Variants in NRXN3 observed in about 807,000 individuals in gnomAD.
The protein encoded by NRXN3 is neurexin III.
In NRXN3, 32 loss-of-function variants were observed where a neutral mutation model predicts 137.6. That is an observed-to-expected ratio of 0.23 (90% CI 0.18 to 0.31). The LOEUF is 0.31. NRXN3 is among the 10% of genes least tolerant of loss of function. NRXN3 has a pLI of 1.00. For synonymous variants in NRXN3, 798 were observed against 784.5 expected (o/e 1.02, Z -0.29); for missense variants, 1,574 against 2,062.5 (o/e 0.76, Z 4.59).
intron 1 of NRXN3, among the ~76,000 whole-genome samples, chr14:78,204,288 A>G (rs1466993365): frequency 1.3e-5 from 2 of 151,902 alleles, no homozygotes; most frequent in East Asian, 3.9e-4. Context: ...GGCCAGTTCT[A>G]AGAAAGAGCA....
intron 4 of NRXN3, among the ~76,000 whole-genome samples, chr14:78,557,301 G>A (rs975251898): frequency 6.7e-6 from 1 of 149,172 alleles, no homozygotes; most frequent in Non-Finnish European, 1.5e-5. Context: ...CAATCTTCCT[G>A]CCTTGGCCTC....
intron 20 of NRXN3, among the ~76,000 whole-genome samples, chr14:79,819,601 C>T (rs897350701): frequency 6.8e-6 from 1 of 147,834 alleles, no homozygotes; most frequent in Non-Finnish European, 1.5e-5. Context: ...TCTCCTGCCT[C>T]AACCGCCTGA....
At chr14:78,610,641 G>A (rs760404855) in intron 4 of NRXN3, among the ~76,000 whole-genome samples, 3 of 152,240 alleles carry the variant, frequency 2.0e-5, no homozygotes, top group Non-Finnish European at 1.5e-5. Flanking sequence ...ATACAGGTTG[G>A]GCAGAGCCCA....
intron 15 of NRXN3, among the ~76,000 whole-genome samples, chr14:79,132,829 AGCTGCGAT>A (rs2152969099): frequency 6.6e-6 from 1 of 152,358 alleles, no homozygotes; most frequent in African/African-American, 2.4e-5. Flanking sequence ...AGAGAAGTTG[AGCTGCGAT>A]GCAGGCCCAA....
At chr14:79,746,338 C>T (rs781285702) in intron 19 of NRXN3, among the ~76,000 whole-genome samples, 2 of 152,110 alleles carry the variant, frequency 1.3e-5, no homozygotes, top group African/African-American at 4.8e-5. Context: ...GTTTGGAAAG[C>T]ATAGAGTCAG....
intron 5 of NRXN3, among the ~76,000 whole-genome samples, chr14:78,647,390 C>T (rs1298718985): frequency 2.0e-5 from 3 of 152,238 alleles, no homozygotes; most frequent in Admixed American, 2.0e-4. Flanking sequence ...ATGGTGGTTA[C>T]AATCTTCCGC....
In NRXN3 at chr14:78,303,363, G is replaced by A. The variant is rs377761233; in HGVS notation, c.757+5503G>A. Among the ~76,000 whole-genome samples the A allele has an allele frequency of 7.2e-5, 11 of 152,036 alleles. No individual in the cohort carries two copies. In the South Asian group the frequency reaches 1.4e-3, roughly 20 times the overall value. ...ACCACTCCCCTCTACTAGATTGCACGTACGTTGAAGACAAATGTATTCATT... is the reference window on the plus strand; with the variant it reads ...ACCACTCCCCTCTACTAGATTGCACATACGTTGAAGACAAATGTATTCATT... On this transcript the variant is annotated intron_variant, in intron 4 of 20. Coordinates refer to ENST00000335750, the MANE Select transcript of NRXN3 (RefSeq NM_001330195.2).
intron 15 of NRXN3, among the ~76,000 whole-genome samples, chr14:79,033,947 C>A (rs1413553697): frequency 6.6e-6 from 1 of 152,062 alleles, no homozygotes; most frequent in African/African-American, 2.4e-5. Flanking sequence ...AATATTTCTA[C>A]CTTTCTCCTC....
chr14:79,447,699 T>A (rs550813357), intron 15 of NRXN3, among the ~76,000 whole-genome samples: 1 of 152,344 alleles, frequency 6.6e-6, no homozygotes, highest in East Asian at 1.9e-4. Flanking sequence ...TGGATAGCTC[T>A]AGGAAGTGCT....
Position 79,675,589 on chromosome 14 carries a change from A to G in NRXN3, c.3616+11640A>G, listed in dbSNP as rs1371200818. Among the ~76,000 whole-genome samples the G allele has an allele frequency of 2.6e-5, 4 of 152,098 alleles. No individual in the cohort carries two copies. In the East Asian group the frequency reaches 7.7e-4, roughly 29 times the overall value. ...AGAGAGCAAGAGTATCTCTAAGTGG[A>G]TGGGTTAAATCCCTAGAGAGACAGA... On this transcript the variant is annotated intron_variant, in intron 17 of 20. Transcript: ENST00000335750.
chr14:79,854,364 T>C (rs1183422303), intron 20 of NRXN3: 1 of 157,206 alleles, frequency 6.4e-6, no homozygotes, highest in Non-Finnish European at 1.4e-5. Context: ...TGTGAATGCC[T>C]CAATGTTATT....
chr14:78,580,393 G>A (rs569279972), intron 4 of NRXN3, among the ~76,000 whole-genome samples: 1 of 152,200 alleles, frequency 6.6e-6, no homozygotes, highest in South Asian at 2.1e-4. Context: ...TTGACACCAG[G>A]CTCATTGGTA....
At chr14:79,495,780 G>A (rs1449736502) in intron 16 of NRXN3, among the ~76,000 whole-genome samples, 10 of 151,848 alleles carry the variant, frequency 6.6e-5, no homozygotes, top group African/African-American at 9.7e-5. Context: ...TAGTATTTTT[G>A]ATAAATAATT....
chr14:78,817,822 C>A (rs965605299), intron 10 of NRXN3, among the ~76,000 whole-genome samples: 1 of 151,564 alleles, frequency 6.6e-6, no homozygotes, highest in Non-Finnish European at 1.5e-5. Context: ...GTGACTCAAA[C>A]GCCTCCCACT....
At chr14:79,033,722 C>G (rs1449902105) in intron 15 of NRXN3, among the ~76,000 whole-genome samples, 2 of 151,980 alleles carry the variant, frequency 1.3e-5, no homozygotes, top group Non-Finnish European at 1.5e-5. Flanking sequence ...TAATAAGAAA[C>G]ACAGTTTGGA....
Position 79,861,586 on chromosome 14 carries a change from C to A in NRXN3, c.4338C>A (p.Pro1446=). The A allele has an allele frequency of 6.2e-7, 1 of 1,610,070 alleles. No homozygotes were observed. Among genetic ancestry groups the A allele is most frequent in the Non-Finnish European group, 8.5e-7 (1 of 1,178,372 alleles). ...PQPDIVLLPL[P]TAYELDSTKL... is the part of the protein sequence containing the mutation. ...CTGATATAGTCTTGCTTCCGTTGCC[C>A]ACTGCCTATGAGCTAGACAGCACCA... is the stretch of plus-strand genomic sequence containing the variant. Residue 1446 remains proline, a synonymous_variant, in exon 21 of 21, where the codon CCC becomes CCA. Transcript: ENST00000335750. The surrounding 1 kb of genome is among the most constrained non-coding windows in gnomAD (Gnocchi z 5.4).
intron 19 of NRXN3, among the ~76,000 whole-genome samples, chr14:79,737,322 C>T (rs1173793432): frequency 3.3e-5 from 5 of 152,144 alleles, no homozygotes. Context: ...CTAATAAGTG[C>T]AGCCTAATCT....
At chr14:79,069,299 A>G (rs575417744) in intron 15 of NRXN3, among the ~76,000 whole-genome samples, 2 of 152,166 alleles carry the variant, frequency 1.3e-5, no homozygotes, top group South Asian at 4.2e-4. Context: ...CCTTTGCTCA[A>G]ATTGGCTCAG....
chr14:78,364,215 A>C (rs374093180), intron 4 of NRXN3, among the ~76,000 whole-genome samples: 49 of 152,350 alleles, frequency 3.2e-4, no homozygotes, highest in African/African-American at 1.0e-3. Context: ...CTCGGAAAAG[A>C]GACCAGGGCT....
Sources: gnomAD v4.1 joint callset for allele counts (sites outside exome capture counted in the v4.1 genomes callset) on GRCh38, gnomAD v4.1.1 for gene constraint, Gnocchi (gnomAD v3.1) non-coding constraint, MANE v1.5 for transcripts, NCBI Gene and HGNC (gene_info 2026-07-23, HGNC 2026-07-21) for gene names.